The following STK32B variants were observed in gnomAD, a reference collection of about 807,000 sequenced individuals.
The protein encoded by STK32B is serine/threonine kinase 32B.
In STK32B, 43 loss-of-function variants were observed where a neutral mutation model predicts 52.6. That is an observed-to-expected ratio of 0.82 (90% CI 0.64 to 1.05). STK32B has a LOEUF of 1.05. Ranked by LOEUF, STK32B falls within the 50% of genes least tolerant of loss-of-function variation. The probability of loss-of-function intolerance (pLI) is 0.00; values close to 1 mark genes in which losing one functional copy is unlikely to be tolerated. For missense variants in STK32B, 621 were observed against 534.6 expected (o/e 1.16, Z -1.59); for synonymous variants, 238 against 204.3 (o/e 1.17, Z -1.41).
At chr4:5,306,333 G>T (rs1729924201) in intron 3 of STK32B, among the ~76,000 whole-genome samples, 1 of 152,166 alleles carries the variant, frequency 6.6e-6, no homozygotes, top group South Asian at 2.1e-4. Flanking sequence ...TTGCATTGCT[G>T]TCTGTATCAT....
chr4:5,189,024 AAAG>A (rs199702534), intron 3 of STK32B, among the ~76,000 whole-genome samples: 2,770 of 137,094 alleles, frequency 0.02, 94 homozygotes, highest in African/African-American at 0.071. Flanking sequence ...TAAAAAAAAA[AAAG>A]AAAAACAGAT....
intron 4 of STK32B, among the ~76,000 whole-genome samples, chr4:5,388,080 T>A (rs895712826): frequency 5.6e-4 from 85 of 152,246 alleles, no homozygotes; most frequent in African/African-American, 2.0e-3. Context: ...CATGGAGAAG[T>A]CGCTTCACCT....
chr4:5,174,369 G>A (rs940823630), intron 3 of STK32B, among the ~76,000 whole-genome samples: 37 of 151,634 alleles, frequency 2.4e-4, no homozygotes, highest in South Asian at 4.2e-4. Context: ...TATTTTGCTC[G>A]TTAGTTGATG....
At chr4:5,275,325 T>C (rs1727742391) in intron 3 of STK32B, among the ~76,000 whole-genome samples, 1 of 152,256 alleles carries the variant, frequency 6.6e-6, no homozygotes, top group African/African-American at 2.4e-5. Context: ...GTTTGGCAGA[T>C]CTTATTTTAT....
At chr4:5,495,297 A>G (rs533564648) in intron 11 of STK32B, among the ~76,000 whole-genome samples, 3 of 151,860 alleles carry the variant, frequency 2.0e-5, no homozygotes, top group South Asian at 4.2e-4. Flanking sequence ...TTTTCTCTAA[A>G]CTTCCCTTCT....
chr4:5,449,830 G>GAGA (rs1715822929), intron 7 of STK32B, among the ~76,000 whole-genome samples: 1 of 152,148 alleles, frequency 6.6e-6, no homozygotes, highest in African/African-American at 2.4e-5. Flanking sequence ...AATGCCTGAT[G>GAGA]ATCTGTCACT....
chr4:5,494,385 T>C (rs7687742), intron 11 of STK32B, among the ~76,000 whole-genome samples: 5,714 of 147,220 alleles, frequency 0.039, 404 homozygotes, highest in African/African-American at 0.14. Context: ...TTATCAGAGA[T>C]TGGGATTGCA....
At chr4:5,435,050 A>G (rs186549290) in intron 6 of STK32B, among the ~76,000 whole-genome samples, 2 of 152,218 alleles carry the variant, frequency 1.3e-5, no homozygotes, top group South Asian at 2.1e-4. Flanking sequence ...ATGGTGCTTC[A>G]AGGATGGGAA....
intron 3 of STK32B, among the ~76,000 whole-genome samples, chr4:5,289,256 T>C (rs1302389868): frequency 1.3e-5 from 2 of 152,124 alleles, no homozygotes; most frequent in Non-Finnish European, 2.9e-5. Flanking sequence ...ATAAGTGTGG[T>C]ATAAGAGATG....
chr4:5,309,015 A>G (rs1730114115), intron 3 of STK32B, among the ~76,000 whole-genome samples: 1 of 152,112 alleles, frequency 6.6e-6, no homozygotes, highest in African/African-American at 2.4e-5. Context: ...AAGCTCCACA[A>G]AAAAACTCTT....
At chr4:5,489,602 A>G (rs1242700103) in intron 11 of STK32B, among the ~76,000 whole-genome samples, 8 of 151,622 alleles carry the variant, frequency 5.3e-5, no homozygotes, top group Non-Finnish European at 8.8e-5. Flanking sequence ...ATTAACAACA[A>G]TTTTATTTTA....
At chr4:5,125,411 A>G (rs1412938895) in intron 1 of STK32B, among the ~76,000 whole-genome samples, 3 of 152,220 alleles carry the variant, frequency 2.0e-5, no homozygotes, top group African/African-American at 7.2e-5. Context: ...TTAATGCAAT[A>G]GGTCCCTCCA....
chr4:5,048,414 A>T (rs536152753), upstream of STK32B, among the ~76,000 whole-genome samples: 16 of 150,572 alleles, frequency 1.1e-4, no homozygotes, highest in African/African-American at 3.9e-4. Context: ...CTCCTGCCTC[A>T]GCCTCCCGAG....
chr4:5,319,824 C>G lies in STK32B; in HGVS notation c.261-11396C>G, dbSNP rs142657966. 3.5e-3 allele frequency among the ~76,000 whole-genome samples: 536 copies of G among 152,274 alleles called. 1 individual carries two copies. The highest frequency in any genetic ancestry group is 0.012 in the African/African-American group (481 of 41,566). ...GGGCTGAAACTCTGAGAGCTCTGCC[C>G]AAAGTCACAGGGAGAACTGACCTGC... On this transcript the variant is annotated intron_variant, in intron 3 of 11. Transcript: ENST00000282908.
At chr4:5,035,641 T>A in the STK32B span, among the ~76,000 whole-genome samples, 2 of 151,784 alleles carry the variant, frequency 1.3e-5, no homozygotes. Context: ...GAGACTGACA[T>A]TGGAGGCTGG....
At chr4:5,195,760 G>A (rs534686269) in intron 3 of STK32B, among the ~76,000 whole-genome samples, 16 of 152,244 alleles carry the variant, frequency 1.1e-4, no homozygotes, top group Admixed American at 1.3e-4. Flanking sequence ...AAGAAAGTTG[G>A]GAAGGCTTAA....
intron 3 of STK32B, among the ~76,000 whole-genome samples, chr4:5,262,184 G>T (rs1726753702): frequency 1.3e-5 from 2 of 152,308 alleles, no homozygotes; most frequent in African/African-American, 4.8e-5. Context: ...AATGCATCCA[G>T]TTGCAGCTCA....
At chr4:5,404,750 A>G (rs1195990142) in intron 5 of STK32B, among the ~76,000 whole-genome samples, 2 of 151,022 alleles carry the variant, frequency 1.3e-5, no homozygotes, top group Admixed American at 1.3e-4. Context: ...TGATGACCTT[A>G]TTTCCAGATA....
intron 1 of STK32B, among the ~76,000 whole-genome samples, chr4:5,087,608 T>C (rs1406862107): frequency 6.6e-6 from 1 of 151,926 alleles, no homozygotes; most frequent in Non-Finnish European, 1.5e-5. Context: ...TAGAAAAAGA[T>C]ATTCCATGCA....
Sources: gnomAD v4.1 joint callset for allele counts (sites outside exome capture counted in the v4.1 genomes callset) on GRCh38, gnomAD v4.1.1 for gene constraint, MANE v1.5 for transcripts, NCBI Gene and HGNC (gene_info 2026-07-23, HGNC 2026-07-21) for gene names.